TASP1: variants seen among roughly 807,000 people sequenced by gnomAD.
TASP1 encodes taspase 1.
Under a neutral mutation model 56.6 loss-of-function variants are expected in TASP1, and 16 were observed. That is an observed-to-expected ratio of 0.28 (90% CI 0.19 to 0.43). The LOEUF (loss-of-function observed/expected upper bound fraction) is 0.43, where lower values mean the gene tolerates loss of function less well. TASP1 is among the 20% of genes least tolerant of loss of function. The pLI, the probability that TASP1 is intolerant of heterozygous loss-of-function variation, is 1.00. For synonymous variants in TASP1, 179 were observed against 184.2 expected, an observed-to-expected ratio of 0.97 and a Z score of 0.23; for missense variants, 393 against 511.6, an observed-to-expected ratio of 0.77 and a Z score of 2.24.
At chr20:13,484,899 A>G (rs2043269722) in intron 10 of TASP1, among the ~76,000 whole-genome samples, 1 of 152,130 alleles carries the variant, frequency 6.6e-6, no homozygotes, top group South Asian at 2.1e-4. Context: ...TAAGCACTGC[A>G]TGTTCTCACT....
intron 4 of TASP1, among the ~76,000 whole-genome samples, chr20:13,604,789 C>A (rs565794246): frequency 3.3e-5 from 5 of 152,182 alleles, no homozygotes; most frequent in Admixed American, 3.3e-4. Context: ...ATTGGCAAAA[C>A]TGCAGATCTG....
the TASP1 span, chr20:13,288,754 G>T: frequency 6.9e-7 from 1 of 1,447,222 alleles, no homozygotes; most frequent in South Asian, 1.3e-5. Context: ...AAAACTTAGT[G>T]ACATTGTCTT....
chr20:13,115,030 T>C, the TASP1 span, among the ~76,000 whole-genome samples: 1 of 152,242 alleles, frequency 6.6e-6, no homozygotes, highest in Non-Finnish European at 1.5e-5. Context: ...TTACCTACAG[T>C]CGTGTTTTAG....
intron 4 of TASP1, among the ~76,000 whole-genome samples, chr20:13,597,254 C>T (rs1366605389): frequency 6.6e-6 from 1 of 152,188 alleles, no homozygotes; most frequent in Non-Finnish European, 1.5e-5. Flanking sequence ...GACCAATATC[C>T]TTGTTGAACA....
the TASP1 span, among the ~76,000 whole-genome samples, chr20:13,153,746 C>G: frequency 6.6e-6 from 1 of 152,170 alleles, no homozygotes; most frequent in Non-Finnish European, 1.5e-5. Context: ...CACCAGCCCT[C>G]TAGCGTATCC....
At chr20:13,384,404 C>A (rs2041149479), downstream of TASP1, among the ~76,000 whole-genome samples, 2 of 152,264 alleles carry the variant, frequency 1.3e-5, no homozygotes, top group South Asian at 4.1e-4. Context: ...GGCTGATGGT[C>A]TTCTGGAAGC....
chr20:13,447,952 G>C (rs1191526405), intron 11 of TASP1, among the ~76,000 whole-genome samples: 3 of 151,924 alleles, frequency 2.0e-5, no homozygotes, highest in Non-Finnish European at 4.4e-5. Flanking sequence ...GATCTTTTTT[G>C]TAATACAGAA....
At chr20:13,198,079 G>A in the TASP1 span, among the ~76,000 whole-genome samples, 4 of 152,126 alleles carry the variant, frequency 2.6e-5, no homozygotes, top group African/African-American at 9.6e-5. Flanking sequence ...TTTGTCAAAT[G>A]CCTGTAAAAT....
chr20:13,450,835 A>G (rs1022527762), intron 11 of TASP1, among the ~76,000 whole-genome samples: 1 of 152,092 alleles, frequency 6.6e-6, no homozygotes, highest in African/African-American at 2.4e-5. Context: ...TTTTTAATTT[A>G]CTTGACCCAG....
the TASP1 span, among the ~76,000 whole-genome samples, chr20:13,139,764 T>C: frequency 6.6e-6 from 1 of 152,230 alleles, no homozygotes; most frequent in Non-Finnish European, 1.5e-5. Flanking sequence ...CATTCTTTCC[T>C]CCGACTTTCT....
intron 4 of TASP1, among the ~76,000 whole-genome samples, chr20:13,599,973 C>A (rs1467128317): frequency 6.6e-6 from 1 of 151,890 alleles, no homozygotes; most frequent in Non-Finnish European, 1.5e-5. Context: ...AATATATAAA[C>A]AAAAACTTTT....
At chr20:13,587,879 A>G (rs575547223) in intron 4 of TASP1, among the ~76,000 whole-genome samples, 2 of 152,238 alleles carry the variant, frequency 1.3e-5, no homozygotes, top group East Asian at 3.9e-4. Flanking sequence ...TAATCCCAAC[A>G]CTTAGGGAGG....
chr20:13,425,847 G>A (rs768762546), intron 12 of TASP1, among the ~76,000 whole-genome samples: 4 of 152,020 alleles, frequency 2.6e-5, no homozygotes, highest in Non-Finnish European at 5.9e-5. Flanking sequence ...ACGCTTTACT[G>A]TCTTGACATG....
chr20:13,502,443 A>G (rs1005382082), intron 10 of TASP1, among the ~76,000 whole-genome samples: 1 of 152,210 alleles, frequency 6.6e-6, no homozygotes, highest in African/African-American at 2.4e-5. Flanking sequence ...ATACTTAGTA[A>G]AAGAAGTAAA....
intron 7 of TASP1, among the ~76,000 whole-genome samples, chr20:13,565,405 GA>G (rs1401816114): frequency 6.6e-6 from 1 of 152,102 alleles, no homozygotes; most frequent in Admixed American, 6.5e-5. Flanking sequence ...TCAATGGAGT[GA>G]AAAGGCAACT....
chr20:13,195,108 G>A, the TASP1 span, among the ~76,000 whole-genome samples: 19 of 152,122 alleles, frequency 1.2e-4, no homozygotes, highest in South Asian at 4.2e-4. Context: ...ATGCCTTGGC[G>A]CCCTTAAAAG....
chr20:13,171,813 T>C, the TASP1 span, among the ~76,000 whole-genome samples: 3 of 152,058 alleles, frequency 2.0e-5, no homozygotes, highest in African/African-American at 7.2e-5. Context: ...GAGAAATATC[T>C]TACTGACTGA....
the TASP1 span, among the ~76,000 whole-genome samples, chr20:13,342,792 G>A: frequency 6.6e-6 from 1 of 152,192 alleles, no homozygotes; most frequent in Non-Finnish European, 1.5e-5. Flanking sequence ...TCTGGACTGG[G>A]TTAAGGAGGG....
intron 11 of TASP1, among the ~76,000 whole-genome samples, chr20:13,468,492 G>A (rs1045609678): frequency 9.2e-5 from 14 of 152,108 alleles, no homozygotes; most frequent in African/African-American, 3.1e-4. Flanking sequence ...GTTTTAAAAA[G>A]TGAGATTATA....
Sources: gnomAD v4.1 joint callset for allele counts (sites outside exome capture counted in the v4.1 genomes callset) on GRCh38, gnomAD v4.1.1 for gene constraint, MANE v1.5 for transcripts, NCBI Gene and HGNC (gene_info 2026-07-23, HGNC 2026-07-21) for gene names.